The following GSE1 variants were observed in gnomAD, a reference collection of about 807,000 sequenced individuals.
GSE1 encodes the protein Gse1 coiled-coil protein, also known as genetic suppressor element 1.
GSE1 carries 32 observed loss-of-function variants against 112.6 expected under a neutral mutation model. That is an observed-to-expected ratio of 0.28 (90% CI 0.21 to 0.38). GSE1 has a LOEUF of 0.38. GSE1 is among the 10% of genes least tolerant of loss of function. GSE1 has a pLI of 1.00. For missense variants in GSE1, 2,348 were observed against 1,699.2 expected (o/e 1.38, Z -6.71); for synonymous variants, 1,115 against 735.6 (o/e 1.52, Z -8.35).
intron 2 of GSE1, among the ~76,000 whole-genome samples, chr16:85,532,083 G>A (rs774816588): frequency 2.6e-5 from 4 of 152,132 alleles, no homozygotes; most frequent in Non-Finnish European, 4.4e-5. Flanking sequence ...CTTGAAGAAA[G>A]ATTGACACAG....
chr16:85,622,800 C>A (rs921880879), intron 1 of GSE1, among the ~76,000 whole-genome samples: 1 of 152,132 alleles, frequency 6.6e-6, no homozygotes, highest in African/African-American at 2.4e-5. Context: ...AAGGGGTTGA[C>A]CTCTTTCTGT....
At chr16:85,664,889 A>C (rs2052711630) in intron 11 of GSE1, 126 bp from the exon 12 acceptor site, 5 of 656,138 alleles carry the variant, frequency 7.6e-6, no homozygotes. Flanking sequence ...GCCCCATCAC[A>C]CCTGCTTTTG....
upstream of GSE1, chr16:85,555,345 C>G (rs2151256870): frequency 3.0e-6 from 3 of 985,074 alleles, no homozygotes; most frequent in South Asian, 4.7e-5. Context: ...CTTCCACCCC[C>G]TCTCTCTGAG....
chr16:85,639,405 C>T (rs1212155218), intron 2 of GSE1, among the ~76,000 whole-genome samples: 1 of 152,194 alleles, frequency 6.6e-6, no homozygotes, highest in Non-Finnish European at 1.5e-5. Context: ...AAACCTCAGC[C>T]TAGGAGTCCC....
intron 2 of GSE1, among the ~76,000 whole-genome samples, chr16:85,398,812 A>T (rs564592251): frequency 1.0e-3 from 155 of 152,130 alleles, no homozygotes; most frequent in Non-Finnish European, 2.0e-3. Flanking sequence ...CCGCACAGAG[A>T]ATGTGTGTGG....
At chr16:85,333,273 A>T (rs1335156421) in intron 1 of GSE1, among the ~76,000 whole-genome samples, 1 of 151,930 alleles carries the variant, frequency 6.6e-6, no homozygotes, top group Non-Finnish European at 1.5e-5. Flanking sequence ...CTCCCAGCTG[A>T]TCCACGCGGG....
chr16:85,393,146 G>A (rs926716318), intron 2 of GSE1, among the ~76,000 whole-genome samples: 2 of 152,204 alleles, frequency 1.3e-5, no homozygotes, highest in Non-Finnish European at 1.5e-5. Context: ...GTGCGCACTT[G>A]TAATCCCAGC....
At chr16:85,425,641 C>G (rs1006401164) in intron 2 of GSE1, among the ~76,000 whole-genome samples, 1 of 151,954 alleles carries the variant, frequency 6.6e-6, no homozygotes, top group African/African-American at 2.4e-5. Context: ...CACCCACCCT[C>G]CAAGGCAAGC....
upstream of GSE1, chr16:85,555,905 TTC>T: frequency 1.1e-6 from 1 of 894,658 alleles, no homozygotes; most frequent in Non-Finnish European, 1.3e-6. Context: ...CCCTTTATTT[TTC>T]TCTCGCTCCT....
chr16:85,335,960 G>A (rs2046473552), intron 1 of GSE1, among the ~76,000 whole-genome samples: 1 of 152,168 alleles, frequency 6.6e-6, no homozygotes, highest in Non-Finnish European at 1.5e-5. Context: ...CCAGCAGCTG[G>A]GGCTGGGGTC....
At chr16:85,496,269 G>A (rs779506246) in intron 2 of GSE1, among the ~76,000 whole-genome samples, 1 of 152,246 alleles carries the variant, frequency 6.6e-6, no homozygotes, top group Non-Finnish European at 1.5e-5. Context: ...CGTCAGGGAT[G>A]AGCGATGGGC....
In GSE1 at chr16:85,376,458, C is replaced by T. The variant is rs935423852; in HGVS notation, c.2464+18815C>T. ...CTGCGCGGGCTGGTCTGGCCACCTC[C>T]TGGCTCCTTGATGGCAGATTTGGGC... On this transcript the variant is annotated intron_variant, in intron 2 of 2. Transcript: ENST00000637419. 1.5e-3 allele frequency among the ~76,000 whole-genome samples: 221 copies of T among 152,332 alleles called. 2 individuals are homozygous for T. Among genetic ancestry groups the T allele is most frequent in the African/African-American group, 5.1e-3 (213 of 41,576 alleles).
intron 15 of GSE1, chr16:85,671,826 G>A (rs561985880): frequency 6.4e-6 from 1 of 155,946 alleles, no homozygotes; most frequent in African/African-American, 2.4e-5. Flanking sequence ...CACACTAGCA[G>A]GATTGGTTCA....
intron 1 of GSE1, among the ~76,000 whole-genome samples, chr16:85,199,637 G>A (rs971601681): frequency 7.2e-5 from 11 of 152,142 alleles, no homozygotes; most frequent in African/African-American, 1.9e-4. Context: ...AAAGTGCTGC[G>A]GGCCGGAACA....
intron 1 of GSE1, 92 bp downstream of exon 1, chr16:85,613,490 C>G (rs1036318297): frequency 8.6e-7 from 1 of 1,169,446 alleles, no homozygotes; most frequent in Admixed American, 2.8e-5. Context: ...GCGGGGGCGG[C>G]CGCCAACGGC....
intron 1 of GSE1, among the ~76,000 whole-genome samples, chr16:85,205,108 T>C (rs1007649289): frequency 1.3e-5 from 2 of 152,126 alleles, no homozygotes; most frequent in Admixed American, 6.5e-5. Flanking sequence ...CATCGTTGTC[T>C]CCTTTAATTT....
upstream of GSE1, chr16:85,555,645 C>T: frequency 1.0e-6 from 1 of 959,796 alleles, no homozygotes; most frequent in Non-Finnish European, 1.2e-6. Flanking sequence ...GCCGATTTCT[C>T]CTTGGCAACA....
intron 1 of GSE1, among the ~76,000 whole-genome samples, chr16:85,567,074 G>A (rs1020188788): frequency 3.3e-4 from 25 of 74,882 alleles, no homozygotes; most frequent in African/African-American, 9.4e-4. Flanking sequence ...ACCCCCCTCC[G>A]CCCAATTTCT....
chr16:85,460,607 G>A (rs1331749202), intron 2 of GSE1, among the ~76,000 whole-genome samples: 2 of 152,240 alleles, frequency 1.3e-5, no homozygotes, highest in Non-Finnish European at 2.9e-5. Flanking sequence ...ATGAGGCCTC[G>A]GCTGCTCCAA....
Sources: allele counts gnomAD v4.1 joint callset (sites outside exome capture counted in the v4.1 genomes callset), GRCh38; gene constraint gnomAD v4.1.1; transcripts MANE v1.5; gene names NCBI Gene and HGNC (gene_info 2026-07-23, HGNC 2026-07-21).